SMARCAL1: variants seen among roughly 807,000 people sequenced by gnomAD.
The protein encoded by SMARCAL1 is ATP-driven annealing helicase.
Under a neutral mutation model 94.5 loss-of-function variants are expected in SMARCAL1, and 58 were observed. The observed-to-expected ratio is 0.61, with a 90% CI of 0.50 to 0.76. The LOEUF (loss-of-function observed/expected upper bound fraction) is 0.76. Among genes scored for constraint, SMARCAL1 ranks in the 30% least tolerant of loss-of-function variants. The pLI, the probability that SMARCAL1 is intolerant of heterozygous loss-of-function variation, is 0.00. For synonymous variants in SMARCAL1, 422 were observed against 455.1 expected, an observed-to-expected ratio of 0.93 and a Z score of 0.93; for missense variants, 1,051 against 1,177.9, an observed-to-expected ratio of 0.89 and a Z score of 1.58.
chr2:216,435,235 G>T, intron 8 of SMARCAL1, 103 bp from the exon 9 acceptor site: 1 of 1,226,132 alleles, frequency 8.2e-7, no homozygotes, highest in South Asian at 1.3e-5. Context: ...TGAGAGGAAG[G>T]TAGAGGTGAT....
chr2:216,423,694 T>G lies in SMARCAL1; in HGVS notation c.1147+11T>G. ...AGCACAGTAAACTAAGTGAGAAGCC[T>G]TCCTTACTTGTTTTATATCATGCTA... On this transcript the variant is annotated intron_variant, in intron 6 of 17. Transcript: ENST00000357276. The G allele has an allele frequency of 6.2e-7, 1 of 1,606,748 alleles. No homozygotes were observed. The highest frequency in any genetic ancestry group is 2.2e-5 in the East Asian group (1 of 44,844).
rs1693582769 is a variant in SMARCAL1, at chr2:216,415,648, C to G, written c.811+133C>G. The G allele has an allele frequency of 5.7e-5, 49 of 858,484 alleles. 2 individuals are homozygous for G. The South Asian group carries it at 7.1e-4, about 12-fold the overall frequency. The allele number at this position is 858,484 out of a possible 1,614,324, so 53.2% of individuals were successfully genotyped here. ...GTCCATCCAGTTGTTAAAAATTTTT[C>G]AATTTTAGCTTGTTTCCCTTCATAA... On this transcript the variant is annotated intron_variant, in intron 3 of 17. Transcript: ENST00000357276.
intron 12 of SMARCAL1, among the ~76,000 whole-genome samples, chr2:216,452,967 G>A (rs550581679): frequency 2.0e-5 from 3 of 152,276 alleles, no homozygotes; most frequent in African/African-American, 4.8e-5. Flanking sequence ...TACAAATCCA[G>A]TATTTTTGAG....
intron 2 of SMARCAL1, chr2:216,414,345 T>G (rs997178390): frequency 1.8e-4 from 51 of 285,654 alleles, no homozygotes; most frequent in Non-Finnish European, 3.3e-4. Flanking sequence ...TTAGTAGAGA[T>G]GGGGTTTCAC....
chr2:216,459,666 C>G (rs1468586977), intron 12 of SMARCAL1, among the ~76,000 whole-genome samples: 4 of 151,638 alleles, frequency 2.6e-5, no homozygotes, highest in Admixed American at 6.6e-5. Flanking sequence ...CTTCCTTACA[C>G]CTTATACAAA....
chr2:216,475,271 C>A lies in SMARCAL1; in HGVS notation c.2247C>A (p.His749Gln). The change falls in exon 15 of 18, where the codon CAC becomes CAA. Residue 749 changes from histidine to glutamine, a missense_variant and splice_region_variant. His to Gln is a conservative substitution (Grantham distance 24). Transcript: ENST00000357276. This position sits in a 1 kb window ranked among gnomAD's most constrained non-coding sequence, Gnocchi z 4.4. ...DAITQELERK[H>Q]VQHIRIDGST... The stretch of plus-strand genomic sequence containing the variant: ...GCTTCTGCCCCTTGTTCCTGCAGCA[C>A]GTGCAGCACATCCGCATCGATGGCT... 6.2e-7 allele frequency: 1 copy of A among 1,614,160 alleles called. No individual in the cohort carries two copies. Among genetic ancestry groups the A allele is most frequent in the Non-Finnish European group, 8.5e-7 (1 of 1,180,016 alleles).
At chr2:216,477,266 A>C in intron 16 of SMARCAL1, 57 bp downstream of exon 16, 1 of 1,247,442 alleles carries the variant, frequency 8.0e-7, no homozygotes, top group Non-Finnish European at 1.2e-6. Flanking sequence ...GAAACTGATG[A>C]TATGTTTACT....
chr2:216,464,083 A>G (rs564061264), intron 12 of SMARCAL1, among the ~76,000 whole-genome samples: 30 of 152,296 alleles, frequency 2.0e-4, no homozygotes, highest in African/African-American at 5.8e-4. Context: ...TGATAGTAAA[A>G]TAGACTAGTC....
chr2:216,478,427 A>T, intron 17 of SMARCAL1, 128 bp downstream of exon 17: 1 of 762,612 alleles, frequency 1.3e-6, no homozygotes. Context: ...AGAGCTGAAA[A>T]CAATGGCCTG....
chr2:216,459,723 A>G (rs1212967412), intron 12 of SMARCAL1, among the ~76,000 whole-genome samples: 1 of 152,088 alleles, frequency 6.6e-6, no homozygotes, highest in South Asian at 2.1e-4. Flanking sequence ...ACCTAAAACC[A>G]TAAAAACCCT....
chr2:216,435,542 CTT>C (rs747597103), intron 9 of SMARCAL1, 46 bp downstream of exon 9: 1 of 1,551,794 alleles, frequency 6.4e-7, no homozygotes, highest in Non-Finnish European at 8.9e-7. Context: ...TCTCTGGAAA[CTT>C]TCTTTGTAAA....
intron 14 of SMARCAL1, among the ~76,000 whole-genome samples, chr2:216,472,799 C>A (rs1425454447): frequency 4.0e-5 from 6 of 151,786 alleles, no homozygotes; most frequent in African/African-American, 1.5e-4. Flanking sequence ...TTTTTTTACC[C>A]CATCAAGTCA....
Position 216,432,866 on chromosome 2 carries a change from C to T in SMARCAL1, c.1483C>T (p.Gln495Ter), listed in dbSNP as rs1553526228. Residue 495 changes from glutamine to a stop codon, truncating the protein, a stop_gained and splice_region_variant, in exon 8 of 18, where the codon CAG becomes TAG. Coordinates refer to ENST00000357276, the MANE Select transcript of SMARCAL1 (RefSeq NM_014140.4). LOFTEE classifies it high-confidence loss of function. Reference protein sequence around the residue: ...VPSSVRFTWEQAFLRWLPSLS... With the variant: ...VPSSVRFTWE Reference sequence around the variant, plus strand: ...ATCCTCCGTGCGCTTCACCTGGGAGCAGGTTAATGGTCTTCAAATTGCAGT... The same window carrying T: ...ATCCTCCGTGCGCTTCACCTGGGAGTAGGTTAATGGTCTTCAAATTGCAGT... 6.2e-7 allele frequency: 1 copy of T among 1,614,188 alleles called. No homozygotes were observed. The highest frequency in any genetic ancestry group is 8.5e-7 in the Non-Finnish European group (1 of 1,180,036).
At chr2:216,476,180 C>A (rs1476387577) in intron 15 of SMARCAL1, among the ~76,000 whole-genome samples, 2 of 151,982 alleles carry the variant, frequency 1.3e-5, no homozygotes, top group Admixed American at 6.6e-5. Flanking sequence ...AAGTTATATC[C>A]CCTTTAATAT....
intron 8 of SMARCAL1, 127 bp from the exon 9 acceptor site, chr2:216,435,211 G>A (rs944138847): frequency 1.1e-4 from 103 of 975,282 alleles, no homozygotes; most frequent in Non-Finnish European, 1.5e-4. Context: ...GGCAAGTGAA[G>A]GGGCACAGGT....
chr2:216,432,678 G>C (rs375594021), intron 7 of SMARCAL1, 40 bp from the exon 8 acceptor site: 27 of 1,613,578 alleles, frequency 1.7e-5, no homozygotes, highest in Middle Eastern at 3.4e-4. Flanking sequence ...ATGAACTCAT[G>C]CCCCGGGAAA....
At chr2:216,455,058 G>A (rs573358887) in intron 12 of SMARCAL1, among the ~76,000 whole-genome samples, 8 of 152,214 alleles carry the variant, frequency 5.3e-5, no homozygotes, top group African/African-American at 1.4e-4. Flanking sequence ...ATTGTATCCC[G>A]TGCCTGGCTC....
At chr2:216,419,343 T>C (rs753210233) in intron 4 of SMARCAL1, among the ~76,000 whole-genome samples, 16 of 152,246 alleles carry the variant, frequency 1.1e-4, no homozygotes, top group Non-Finnish European at 2.1e-4. Flanking sequence ...TTGGCTACAC[T>C]ACCCTCTTCT....
intron 10 of SMARCAL1, among the ~76,000 whole-genome samples, chr2:216,441,814 C>T (rs531606462): frequency 6.6e-6 from 1 of 152,214 alleles, no homozygotes; most frequent in East Asian, 1.9e-4. Context: ...CACATGACTC[C>T]GCCCTCAGGA....
Sources: allele counts gnomAD v4.1 joint callset (sites outside exome capture counted in the v4.1 genomes callset), GRCh38; gene constraint gnomAD v4.1.1; non-coding constraint Gnocchi (gnomAD v3.1); transcripts MANE v1.5; gene names NCBI Gene and HGNC (gene_info 2026-07-23, HGNC 2026-07-21).